Variants in TNNI3K observed in about 807,000 individuals in gnomAD.
TNNI3K encodes the protein serine/threonine-protein kinase TNNI3K.
Under a neutral mutation model 114.5 loss-of-function variants are expected in TNNI3K, and 140 were observed. The observed-to-expected ratio is 1.22, with a 90% confidence interval of 1.07 to 1.41. The LOEUF is 1.41. Among genes scored for constraint, TNNI3K ranks in the 40% most tolerant of loss-of-function variants. TNNI3K has a pLI of 0.00. For synonymous variants in TNNI3K, 347 were observed against 347.5 expected (o/e 1.00, Z 0.02); for missense variants, 1,125 against 1,007.6 (o/e 1.12, Z -1.58).
At chr1:74,352,458 A>G (rs1033877073) in intron 9 of TNNI3K, among the ~76,000 whole-genome samples, 2 of 152,190 alleles carry the variant, frequency 1.3e-5, no homozygotes, top group African/African-American at 4.8e-5. Context: ...TCAGATCTCA[A>G]GCTGCATGCT....
chr1:74,318,043 T>G (rs756204140), intron 5 of TNNI3K, among the ~76,000 whole-genome samples: 19 of 152,222 alleles, frequency 1.2e-4, no homozygotes, highest in Admixed American at 7.2e-4. Context: ...CTGTCTGAAT[T>G]TCCCCTTTTA....
chr1:74,381,451 C>T (rs755166545), intron 17 of TNNI3K, among the ~76,000 whole-genome samples: 18 of 152,058 alleles, frequency 1.2e-4, no homozygotes, highest in Non-Finnish European at 1.2e-4. Context: ...TTCTTGCATG[C>T]CCTAGTTGCC....
chr1:74,428,782 A>C (rs1290233449), intron 17 of TNNI3K, among the ~76,000 whole-genome samples: 2 of 152,046 alleles, frequency 1.3e-5, no homozygotes, highest in Non-Finnish European at 1.5e-5. Context: ...AAAATGTTCA[A>C]AAATTAGCCA....
At chr1:74,543,095 A>G (rs1467313821) in intron 24 of TNNI3K, among the ~76,000 whole-genome samples, 1 of 60,518 alleles carries the variant, frequency 1.7e-5, no homozygotes, top group African/African-American at 6.3e-5. Flanking sequence ...TTTTTTTTTG[A>G]GATGGAGTCT....
At chr1:74,310,352 C>A (rs1658912671) in intron 5 of TNNI3K, among the ~76,000 whole-genome samples, 1 of 152,136 alleles carries the variant, frequency 6.6e-6, no homozygotes, top group Non-Finnish European at 1.5e-5. Flanking sequence ...ATATTCCATG[C>A]TCATGGATTG....
intron 23 of TNNI3K, among the ~76,000 whole-genome samples, chr1:74,496,645 G>A (rs910961623): frequency 1.3e-5 from 2 of 152,012 alleles, no homozygotes; most frequent in Non-Finnish European, 2.9e-5. Context: ...ATTTAGAGGT[G>A]CAAAATTGTG....
At chr1:74,422,643 C>T (rs1665453145) in intron 17 of TNNI3K, among the ~76,000 whole-genome samples, 1 of 152,012 alleles carries the variant, frequency 6.6e-6, no homozygotes, top group Admixed American at 6.6e-5. Flanking sequence ...GGAGACCAGC[C>T]ACTGAAATTA....
At chr1:74,510,864 TAA>T (rs1670152918) in intron 23 of TNNI3K, among the ~76,000 whole-genome samples, 1 of 152,226 alleles carries the variant, frequency 6.6e-6, no homozygotes. Context: ...TATTCTTGTA[TAA>T]AGAGTTTTAG....
intron 17 of TNNI3K, among the ~76,000 whole-genome samples, chr1:74,392,279 A>G (rs187792483): frequency 1.2e-3 from 186 of 152,342 alleles, no homozygotes; most frequent in African/African-American, 4.3e-3. Flanking sequence ...TCTGGTACAG[A>G]GGAAAAGTAG....
At chr1:74,508,403 T>C (rs1331913281) in intron 23 of TNNI3K, among the ~76,000 whole-genome samples, 1 of 152,214 alleles carries the variant, frequency 6.6e-6, no homozygotes, top group Non-Finnish European at 1.5e-5. Flanking sequence ...AAAGAAGGTA[T>C]TATGATTTTT....
chr1:74,330,704 T>C (rs1333999695), intron 5 of TNNI3K, among the ~76,000 whole-genome samples: 3 of 152,156 alleles, frequency 2.0e-5, no homozygotes, highest in Non-Finnish European at 4.4e-5. Context: ...CTAAAATGGA[T>C]AGAAAAAATA....
intron 4 of TNNI3K, among the ~76,000 whole-genome samples, chr1:74,252,103 C>T (rs535644414): frequency 4.6e-5 from 7 of 152,136 alleles, no homozygotes; most frequent in African/African-American, 1.7e-4. Flanking sequence ...CTGAACCTCA[C>T]CGTCTGGGAG....
At chr1:74,379,202 C>T (rs541909011) in intron 17 of TNNI3K, among the ~76,000 whole-genome samples, 78 of 151,716 alleles carry the variant, frequency 5.1e-4, no homozygotes, top group African/African-American at 1.6e-3. Flanking sequence ...TGACTATGTC[C>T]CTGAATTGAA....
chr1:74,451,436 A>G (rs1666988412), intron 20 of TNNI3K, among the ~76,000 whole-genome samples: 1 of 152,074 alleles, frequency 6.6e-6, no homozygotes, highest in Admixed American at 6.6e-5. Context: ...ATTTTTTGCT[A>G]CTATTAATAT....
intron 23 of TNNI3K, among the ~76,000 whole-genome samples, chr1:74,509,741 G>T (rs904311346): frequency 2.8e-4 from 33 of 119,038 alleles, no homozygotes; most frequent in Non-Finnish European, 4.9e-4. Context: ...TGAGTGATCT[G>T]AATTTCTTTT....
chr1:74,520,150 C>T (rs555575328), intron 23 of TNNI3K, among the ~76,000 whole-genome samples: 1 of 17,342 alleles, frequency 5.8e-5, no homozygotes, highest in East Asian at 9.4e-4. Context: ...ATCCCATACC[C>T]CCTTTCCACC....
chr1:74,483,773 T>C (rs1448701410), intron 21 of TNNI3K, among the ~76,000 whole-genome samples: 1 of 152,130 alleles, frequency 6.6e-6, no homozygotes, highest in Non-Finnish European at 1.5e-5. Context: ...AGCGGGTAGG[T>C]ATTTAACCAA....
At chr1:74,347,883 GA>G (rs1207268736) in intron 9 of TNNI3K, among the ~76,000 whole-genome samples, 5 of 152,156 alleles carry the variant, frequency 3.3e-5, no homozygotes, top group African/African-American at 1.2e-4. Flanking sequence ...GTTCATTGTA[GA>G]TTCTGGATAT....
chr1:74,458,636 G>A (rs1013347023), intron 20 of TNNI3K, among the ~76,000 whole-genome samples: 8 of 152,228 alleles, frequency 5.3e-5, no homozygotes, highest in Non-Finnish European at 1.2e-4. Context: ...TAATGAATAA[G>A]ATATTTATTG....
Sources: allele counts gnomAD v4.1 joint callset (sites outside exome capture counted in the v4.1 genomes callset), GRCh38; gene constraint gnomAD v4.1.1; transcripts MANE v1.5; gene names NCBI Gene and HGNC (gene_info 2026-07-23, HGNC 2026-07-21).